HDAC9: variants seen among roughly 807,000 people sequenced by gnomAD.
The protein encoded by HDAC9 is histone deacetylase 9, also known as MEF-2 interacting transcription repressor (MITR) protein.
Under a neutral mutation model 139.4 loss-of-function variants are expected in HDAC9, and 41 were observed. The ratio of observed to expected loss-of-function variants is 0.29; its 90% CI spans 0.23 to 0.38. HDAC9 has a LOEUF of 0.38. Among genes scored for constraint, HDAC9 ranks in the 10% least tolerant of loss-of-function variants. The pLI, the probability that HDAC9 is intolerant of heterozygous loss-of-function variation, is 1.00. For missense variants in HDAC9, 1,147 were observed against 1,297.0 expected (o/e 0.88, Z 1.78); for synonymous variants, 517 against 476.2 (o/e 1.09, Z -1.12).
intron 2 of HDAC9, among the ~76,000 whole-genome samples, chr7:18,173,406 A>G (rs1279029050): frequency 2.6e-5 from 4 of 152,112 alleles, no homozygotes; most frequent in Non-Finnish European, 5.9e-5. Flanking sequence ...CTCTTTATCC[A>G]ATTTGCCAGT....
At chr7:18,904,578 T>C (rs1375599335) in intron 22 of HDAC9, among the ~76,000 whole-genome samples, 1 of 139,120 alleles carries the variant, frequency 7.2e-6, no homozygotes, top group Admixed American at 7.1e-5. Flanking sequence ...ATTTCTTTTT[T>C]TTTTTTTTTT....
intron 2 of HDAC9, among the ~76,000 whole-genome samples, chr7:18,168,006 T>A (rs1011190050): frequency 1.3e-5 from 2 of 152,338 alleles, no homozygotes; most frequent in South Asian, 4.1e-4. Flanking sequence ...TCAGGGCAGA[T>A]CAGCTCACCA....
chr7:18,812,146 T>C (rs1794223159), intron 17 of HDAC9, among the ~76,000 whole-genome samples: 1 of 151,880 alleles, frequency 6.6e-6, no homozygotes, highest in Admixed American at 6.6e-5. Flanking sequence ...CTAAATCTAT[T>C]TTATCTGCAG....
At chr7:18,157,699 G>T (rs1787310974) in intron 1 of HDAC9, among the ~76,000 whole-genome samples, 1 of 152,222 alleles carries the variant, frequency 6.6e-6, no homozygotes, top group Middle Eastern at 3.4e-3. Flanking sequence ...AGTGTGTCTT[G>T]TATGTGCTCA....
At chr7:18,391,545 C>A (rs932026909) in intron 1 of HDAC9, among the ~76,000 whole-genome samples, 2 of 152,174 alleles carry the variant, frequency 1.3e-5, no homozygotes, top group Non-Finnish European at 1.5e-5. Context: ...TAGCCTTCAC[C>A]AATTGGCCAG....
In HDAC9 at chr7:18,852,385, G is replaced by C. The variant is rs528407804; in HGVS notation, c.2684+16388G>C. Among the ~76,000 whole-genome samples the C allele has an allele frequency of 3.9e-5, 6 of 152,302 alleles. No homozygotes were observed. In the South Asian group the frequency reaches 6.2e-4, roughly 16 times the overall value. ...AGGAACTTGAGGACGATTAGAGTCA[G>C]GCGAGGAGGCGGAGGATTATAGACA... On this transcript the variant is annotated intron_variant, in intron 21 of 25. Transcript: ENST00000686413.
intron 2 of HDAC9, among the ~76,000 whole-genome samples, chr7:18,509,651 T>C (rs1053284190): frequency 2.6e-5 from 4 of 152,192 alleles, no homozygotes; most frequent in Non-Finnish European, 5.9e-5. Context: ...TGGGGAAAAT[T>C]CTCTTACAAG....
intron 1 of HDAC9, among the ~76,000 whole-genome samples, chr7:18,331,165 C>A (rs1177655979): frequency 6.6e-6 from 1 of 151,452 alleles, no homozygotes; most frequent in Non-Finnish European, 1.5e-5. Flanking sequence ...AGCCTCTTAG[C>A]TTTTGTTTTA....
intron 2 of HDAC9, among the ~76,000 whole-genome samples, chr7:18,574,764 G>A (rs1825482352): frequency 6.6e-6 from 1 of 152,266 alleles, no homozygotes; most frequent in South Asian, 2.1e-4. Flanking sequence ...CAGCCGGGTT[G>A]CGACAGTGCC....
At chr7:18,265,064 A>G (rs1795913853) in intron 2 of HDAC9, among the ~76,000 whole-genome samples, 1 of 152,194 alleles carries the variant, frequency 6.6e-6, no homozygotes, top group Non-Finnish European at 1.5e-5. Flanking sequence ...TTCAGAGCAC[A>G]TGTGTTTAGG....
chr7:18,303,286 C>T (rs1798669088), intron 1 of HDAC9, among the ~76,000 whole-genome samples: 1 of 151,910 alleles, frequency 6.6e-6, no homozygotes, highest in Non-Finnish European at 1.5e-5. Context: ...GGCGCGATCT[C>T]GGCTCACTGC....
At chr7:18,427,148 C>T (rs970301463) in intron 1 of HDAC9, among the ~76,000 whole-genome samples, 6 of 152,150 alleles carry the variant, frequency 3.9e-5, no homozygotes, top group Non-Finnish European at 8.8e-5. Context: ...CAACAACACC[C>T]TAATATGCTT....
At chr7:18,383,654 C>T (rs1227035460) in intron 1 of HDAC9, among the ~76,000 whole-genome samples, 1 of 151,574 alleles carries the variant, frequency 6.6e-6, no homozygotes, top group South Asian at 2.1e-4. Context: ...TTAAAGAAAG[C>T]TTTTTTAGCA....
At chr7:18,523,812 C>G (rs1476297580) in intron 2 of HDAC9, among the ~76,000 whole-genome samples, 1 of 151,996 alleles carries the variant, frequency 6.6e-6, no homozygotes, top group Non-Finnish European at 1.5e-5. Context: ...AGATTTTCAG[C>G]AAAGGATTGG....
chr7:18,693,031 A>G (rs1782781915), intron 12 of HDAC9, among the ~76,000 whole-genome samples: 1 of 152,096 alleles, frequency 6.6e-6, no homozygotes. Flanking sequence ...TTTAAATAAC[A>G]TAAAAACTAA....
chr7:18,307,028 A>T (rs1447105061), intron 1 of HDAC9, among the ~76,000 whole-genome samples: 1 of 146,958 alleles, frequency 6.8e-6, no homozygotes, highest in East Asian at 2.0e-4. Context: ...TGTGAAGTTA[A>T]TTTTTTCTTA....
chr7:18,718,710 C>A (rs115426342), intron 12 of HDAC9, among the ~76,000 whole-genome samples: 31 of 152,226 alleles, frequency 2.0e-4, no homozygotes, highest in African/African-American at 7.5e-4. Context: ...TTTGGGCTTT[C>A]ACGAATAGTG....
intron 1 of HDAC9, among the ~76,000 whole-genome samples, chr7:18,450,680 C>T (rs934003070): frequency 2.0e-5 from 3 of 152,176 alleles, no homozygotes; most frequent in Non-Finnish European, 4.4e-5. Flanking sequence ...ACTCAGAGGT[C>T]TGACTTGGAA....
At chr7:18,409,305 T>A (rs959738597) in intron 1 of HDAC9, among the ~76,000 whole-genome samples, 22 of 152,300 alleles carry the variant, frequency 1.4e-4, no homozygotes, top group African/African-American at 5.1e-4. Context: ...GCTAGTAATA[T>A]ATCATAAAAG....
Sources: gnomAD v4.1 joint callset for allele counts (sites outside exome capture counted in the v4.1 genomes callset) on GRCh38, gnomAD v4.1.1 for gene constraint, MANE v1.5 for transcripts, NCBI Gene and HGNC (gene_info 2026-07-23, HGNC 2026-07-21) for gene names.